The following LAMA4 variants were observed in gnomAD, a reference collection of about 807,000 sequenced individuals.
The protein encoded by LAMA4 is laminin subunit alpha-4.
A neutral mutation model predicts 207.1 loss-of-function variants in LAMA4; 127 were observed. The ratio of observed to expected loss-of-function variants is 0.61; its 90% CI spans 0.53 to 0.71. LAMA4 has a LOEUF of 0.71. LAMA4 is among the 30% of genes least tolerant of loss of function. The pLI is 0.00. For missense variants in LAMA4, 2,093 were observed against 2,246.5 expected (o/e 0.93, Z 1.38); for synonymous variants, 761 against 816.0 (o/e 0.93, Z 1.15).
chr6:112,160,923 A>T (rs946817584), intron 13 of LAMA4, among the ~76,000 whole-genome samples: 4 of 152,186 alleles, frequency 2.6e-5, no homozygotes, highest in Non-Finnish European at 4.4e-5. Context: ...TGCAGGAATG[A>T]GTCCAATTTC....
intron 6 of LAMA4, among the ~76,000 whole-genome samples, chr6:112,189,590 G>A (rs1782895074): frequency 6.6e-6 from 1 of 152,160 alleles, no homozygotes; most frequent in Non-Finnish European, 1.5e-5. Flanking sequence ...CTTCCTTGCA[G>A]ACTGATACTC....
At chr6:112,138,003 A>C (rs1554332050) in intron 24 of LAMA4, among the ~76,000 whole-genome samples, 1 of 152,114 alleles carries the variant, frequency 6.6e-6, no homozygotes, top group African/African-American at 2.4e-5. Flanking sequence ...ATGGTTTTTA[A>C]AAAATATGTT....
chr6:112,166,360 CT>C (rs1319525338), intron 12 of LAMA4: 1 of 152,150 alleles, frequency 6.6e-6, no homozygotes, highest in Non-Finnish European at 1.5e-5. Flanking sequence ...TCCATCAAGC[CT>C]AATACAGTGT....
chr6:112,187,483 CACGTGCCTATG>C lies in LAMA4; in HGVS notation c.922_932del (p.His308GlufsTer2), dbSNP rs1554347089. Reference sequence around the variant, plus strand: ...GGTAGATGGTGGCGTTGATTTCATTCACGTGCCTATGAGCGGCGGCCCCAGAGGATACGCTC... The same window carrying C: ...GGTAGATGGTGGCGTTGATTTCATTCAGCGGCGGCCCCAGAGGATACGCTC... On this transcript the variant is annotated frameshift_variant, in exon 8 of 39. Coordinates refer to ENST00000230538, the MANE Select transcript of LAMA4 (RefSeq NM_001105206.3). LOFTEE classifies it high-confidence loss of function. 6.2e-7 allele frequency: 1 copy of C among 1,614,106 alleles called. No homozygotes were observed. The highest frequency in any genetic ancestry group is 1.1e-5 in the South Asian group (1 of 91,074).
In LAMA4 at chr6:112,191,816, T is replaced by A; in HGVS notation, c.538A>T (p.Ile180Phe). The A allele has an allele frequency of 6.2e-7, 1 of 1,614,056 alleles. No homozygotes were observed. Among genetic ancestry groups the A allele is most frequent in the Non-Finnish European group, 8.5e-7 (1 of 1,179,962 alleles). ...APGYYGNPLL[I>F]GSTCKKCDCS... is the part of the protein sequence containing the mutation. ...TCACATTTCTTACAGGTGCTTCCAATGAGTAAGGGGTTTCCATAGTAACCG... is the reference window on the plus strand; with the variant it reads ...TCACATTTCTTACAGGTGCTTCCAAAGAGTAAGGGGTTTCCATAGTAACCG... Residue 180 changes from isoleucine (I) to phenylalanine (F), a missense_variant, in exon 6 of 39, where the codon ATT (isoleucine) becomes TTT (phenylalanine). Around this residue, in one of 3 missense-constraint regions of LAMA4, gnomAD observed 1,704 missense variants for 1,788.4 expected, o/e 0.95. Coordinates refer to ENST00000230538, the MANE Select transcript of LAMA4 (RefSeq NM_001105206.3).
chr6:112,173,154 A>G (rs1277071940), intron 11 of LAMA4, among the ~76,000 whole-genome samples: 1 of 152,206 alleles, frequency 6.6e-6, no homozygotes, highest in African/African-American at 2.4e-5. Flanking sequence ...GGTTTTTACT[A>G]TTAAAAATAA....
rs189857380 is a variant in LAMA4, at chr6:112,113,214, G to A, written c.5326+862C>T. ...AAAGAAAAGATAAATGTTTTAGGTG[G>A]TGGATATTGCAATTATCCTGATTTG... On this transcript the variant is annotated intron_variant, in intron 38 of 38. Coordinates refer to ENST00000230538, the MANE Select transcript of LAMA4 (RefSeq NM_001105206.3). 2.0e-5 allele frequency among the ~76,000 whole-genome samples: 3 copies of A among 152,242 alleles called. No individual in the cohort carries two copies. In the East Asian group the frequency reaches 5.8e-4, roughly 29 times the overall value.
rs935582546 is a variant in LAMA4 at position 112,147,754 on chromosome 6, C to T, written c.2353+403G>A. Among the ~76,000 whole-genome samples the T allele has an allele frequency of 2.2e-4, 34 of 152,264 alleles. 1 individual carries two copies. The highest frequency in any genetic ancestry group is 1.9e-3 in the Admixed American group (29 of 15,298). The stretch of plus-strand genomic sequence containing the variant: ...CCTAATTACTCAGATAAAGAAAAAG[C>T]AATGTTGCCTAGTAGAAGCAATGCC... On this transcript the variant is annotated intron_variant, in intron 18 of 38. Transcript: ENST00000230538.
In LAMA4 at chr6:112,140,829, A is replaced by C. The variant is rs1554332962; in HGVS notation, c.2907T>G (p.Asp969Glu). 6.2e-7 allele frequency: 1 copy of C among 1,614,092 alleles called. No individual in the cohort carries two copies. Among genetic ancestry groups the C allele is most frequent in the Admixed American group, 1.7e-5 (1 of 60,020 alleles). Residue 969 changes from aspartate (D) to glutamate (E), a missense_variant, in exon 22 of 39, where the codon GAT becomes GAG. By Grantham distance (45) the Asp-to-Glu change is conservative (BLOSUM62 2). Transcript: ENST00000230538. ...CAGGGTCCAGGTCCAGCAGAGAGTC[A>C]TCTCCCGAAAATTCCCCCTTTTTAA... ...KFIKKGEFSGDDSLLDLDPED... is the reference protein window; with the variant it reads ...KFIKKGEFSGEDSLLDLDPED...
At chr6:112,116,706 T>A (rs1554324002) in intron 35 of LAMA4, among the ~76,000 whole-genome samples, 1 of 152,206 alleles carries the variant, frequency 6.6e-6, no homozygotes, top group African/African-American at 2.4e-5. Flanking sequence ...ATCTAAATAA[T>A]GTTCATTTAA....
intron 2 of LAMA4, among the ~76,000 whole-genome samples, chr6:112,243,469 T>C (rs1400930542): frequency 6.6e-6 from 1 of 152,166 alleles, no homozygotes; most frequent in African/African-American, 2.4e-5. Context: ...AGTAATCAGT[T>C]TTAATTTTTT....
intron 12 of LAMA4, among the ~76,000 whole-genome samples, chr6:112,171,392 G>A (rs1253674531): frequency 6.6e-6 from 1 of 152,150 alleles, no homozygotes; most frequent in Admixed American, 6.5e-5. Context: ...CTCTGGCAGG[G>A]TGGAGAGGAT....
In LAMA4 at chr6:112,128,986, G is replaced by T. The variant is rs148968696; in HGVS notation, c.4223C>A (p.Pro1408Gln). The T allele has an allele frequency of 6.2e-7, 1 of 1,612,754 alleles. No homozygotes were observed. Among genetic ancestry groups the T allele is most frequent in the South Asian group, 1.1e-5 (1 of 91,062 alleles). ...TCCTTTTTTATGGAGGAGAAACAAT[G>T]GTGAAGACTCAATGGGACACTCATA... The part of the protein sequence containing the change: ...SLYECPIESS[P>Q]LFLLHKKGKN... Residue 1408 changes from proline to glutamine, a missense_variant, in exon 31 of 39, where the codon CCA (proline) becomes CAA (glutamine). Physicochemically the swap from Pro to Gln is moderately conservative, Grantham distance 76 (BLOSUM62 -1). Around this residue, in one of 3 missense-constraint regions of LAMA4, gnomAD observed 1,704 missense variants for 1,788.4 expected, o/e 0.95. Transcript: ENST00000230538.
At chr6:112,210,018 CCTCT>C (rs142361813) in intron 3 of LAMA4, among the ~76,000 whole-genome samples, 110 of 148,850 alleles carry the variant, frequency 7.4e-4, no homozygotes, top group African/African-American at 2.6e-3. Flanking sequence ...TTGTGCTCTC[CCTCT>C]CTCTCTCTCT....
At chr6:112,174,196 A>G (rs1385700947) in intron 11 of LAMA4, among the ~76,000 whole-genome samples, 7 of 152,190 alleles carry the variant, frequency 4.6e-5, no homozygotes, top group Non-Finnish European at 8.8e-5. Context: ...GATCAGTAAA[A>G]TGGATATGAC....
chr6:112,160,076 C>A (rs1269157881), intron 13 of LAMA4, among the ~76,000 whole-genome samples: 1 of 152,268 alleles, frequency 6.6e-6, no homozygotes, highest in East Asian at 1.9e-4. Context: ...TGCTTAGCTG[C>A]TTCAGAAATA....
At chr6:112,202,545 G>A (rs1227757282) in intron 4 of LAMA4, among the ~76,000 whole-genome samples, 1 of 151,952 alleles carries the variant, frequency 6.6e-6, no homozygotes, top group Admixed American at 6.6e-5. Context: ...CTGCTCTCTT[G>A]TTCCTTTATG....
rs1237280098 is a variant in LAMA4, at chr6:112,128,611, ATGTT to A, written c.4287+307_4287+310del. On this transcript the variant is annotated intron_variant, in intron 31 of 38. Coordinates refer to ENST00000230538, the MANE Select transcript of LAMA4 (RefSeq NM_001105206.3). ...TGTTCCCAACACAAAGAAATAATAAATGTTTGAGATAATAGACATGCTATCACTC... is the reference window on the plus strand; with the variant it reads ...TGTTCCCAACACAAAGAAATAATAAATGAGATAATAGACATGCTATCACTC... 2.6e-5 allele frequency among the ~76,000 whole-genome samples: 4 copies of A among 152,294 alleles called. No individual in the cohort carries two copies. In the East Asian group the frequency reaches 7.7e-4, roughly 29 times the overall value.
intron 16 of LAMA4, among the ~76,000 whole-genome samples, chr6:112,153,565 A>G (rs1780522471): frequency 6.6e-6 from 1 of 152,156 alleles, no homozygotes; most frequent in Non-Finnish European, 1.5e-5. Context: ...GAGGTTCAAT[A>G]ACTCAATAAT....
Sources: gnomAD v4.1 joint callset for allele counts (sites outside exome capture counted in the v4.1 genomes callset) on GRCh38, gnomAD v4.1.1 for gene constraint, gnomAD v4.1.1 regional missense constraint, MANE v1.5 for transcripts, NCBI Gene and HGNC (gene_info 2026-07-23, HGNC 2026-07-21) for gene names.